Variants in PHLPP1 observed in about 807,000 individuals in gnomAD.
The protein encoded by PHLPP1 is PH domain leucine-rich repeat-containing protein phosphatase 1.
A neutral mutation model predicts 117.2 loss-of-function variants in PHLPP1; 42 were observed. The ratio of observed to expected loss-of-function variants is 0.36; its 90% confidence interval spans 0.28 to 0.46. The LOEUF (loss-of-function observed/expected upper bound fraction) is 0.46. Among genes scored for constraint, PHLPP1 ranks in the 20% least tolerant of loss-of-function variants. PHLPP1 has a pLI of 1.00. For missense variants in PHLPP1, 2,084 were observed against 2,241.9 expected (o/e 0.93, Z 1.42); for synonymous variants, 1,042 against 970.7 (o/e 1.07, Z -1.37).
At position 62,978,255 on chromosome 18, in the gene PHLPP1, C is replaced by A. The variant is rs781343714; in HGVS notation, c.3985-7C>A. 5.8e-6 allele frequency: 9 copies of A among 1,564,012 alleles called. No individual in the cohort carries two copies. Among genetic ancestry groups the A allele is most frequent in the Admixed American group, 1.7e-5 (1 of 58,316 alleles). On this transcript the variant is annotated splice_polypyrimidine_tract_variant and splice_region_variant and intron_variant, in intron 16 of 16. Coordinates refer to ENST00000262719, the MANE Select transcript of PHLPP1 (RefSeq NM_194449.4). This position sits in a 1 kb window ranked among gnomAD's most constrained non-coding sequence, Gnocchi z 7.0. ...AACTGTCTGTCTGCAAACCCTTGTT[C>A]TTCCAGGATGGCAAGGTGAACGGAG...
chr18:62,753,154 T>C (rs1464186369), intron 1 of PHLPP1, among the ~76,000 whole-genome samples: 2 of 152,206 alleles, frequency 1.3e-5, no homozygotes, highest in Non-Finnish European at 2.9e-5. Context: ...GCTTTTTCTG[T>C]TTTGTTTTTT....
intron 4 of PHLPP1, among the ~76,000 whole-genome samples, chr18:62,870,274 A>C (rs142037083): frequency 6.6e-6 from 1 of 152,168 alleles, no homozygotes; most frequent in Non-Finnish European, 1.5e-5. Context: ...TTTTATTGCT[A>C]AGATTCCAGA....
intron 1 of PHLPP1, among the ~76,000 whole-genome samples, chr18:62,825,172 T>C (rs1290395521): frequency 1.3e-5 from 2 of 151,882 alleles, no homozygotes; most frequent in Admixed American, 1.3e-4. Context: ...TTGGCCAGGC[T>C]GGTCTCGAGC....
intron 12 of PHLPP1, among the ~76,000 whole-genome samples, chr18:62,946,887 A>G (rs1910306574): frequency 6.6e-6 from 1 of 152,072 alleles, no homozygotes; most frequent in South Asian, 2.1e-4. Context: ...CCCTGTCTCT[A>G]CTAAAAATAG....
intron 8 of PHLPP1, among the ~76,000 whole-genome samples, chr18:62,905,916 G>A (rs1916837933): frequency 6.6e-6 from 1 of 152,108 alleles, no homozygotes. Flanking sequence ...TTTCTTGAAG[G>A]CACAAAGGCT....
intron 1 of PHLPP1, among the ~76,000 whole-genome samples, chr18:62,792,386 A>G (rs1281428168): frequency 6.6e-6 from 1 of 152,136 alleles, no homozygotes; most frequent in East Asian, 1.9e-4. Flanking sequence ...TTTTAGTATG[A>G]ATGATTTTTT....
chr18:62,755,701 C>T (rs1014727668), intron 1 of PHLPP1, among the ~76,000 whole-genome samples: 3 of 152,118 alleles, frequency 2.0e-5, no homozygotes, highest in Non-Finnish European at 4.4e-5. Flanking sequence ...AAATACATTT[C>T]TGTTGTTTAT....
chr18:62,866,482 T>G (rs1915774354), intron 4 of PHLPP1, among the ~76,000 whole-genome samples: 2 of 151,980 alleles, frequency 1.3e-5, no homozygotes, highest in Admixed American at 1.3e-4. Context: ...TGACCTCAGG[T>G]AGTCCACCCA....
chr18:62,951,118 A>ACTAC (rs1910444190), intron 12 of PHLPP1, among the ~76,000 whole-genome samples: 1 of 151,954 alleles, frequency 6.6e-6, no homozygotes, highest in African/African-American at 2.4e-5. Flanking sequence ...AGTAGCTGGG[A>ACTAC]CTACAGGTGC....
chr18:62,949,892 C>A (rs1910403241), intron 12 of PHLPP1, among the ~76,000 whole-genome samples: 1 of 152,220 alleles, frequency 6.6e-6, no homozygotes, highest in South Asian at 2.1e-4. Context: ...TTCCACTGAA[C>A]TGCATAGCAG....
rs149104494 is a variant in PHLPP1, at chr18:62,772,692, G to A, written c.1576+55433G>A. Among the ~76,000 whole-genome samples, 1,054 of 151,920 alleles carry A rather than the reference G, an allele frequency of 6.9e-3. 30 individuals are homozygous for A. Among genetic ancestry groups the A allele is most frequent in the Non-Finnish European group, 5.2e-3 (355 of 67,966 alleles). On this transcript the variant is annotated intron_variant, in intron 1 of 16. Transcript: ENST00000262719. ...CTAAAAATAAAAAAATTAGCTGGGC[G>A]TAGTGGCACATGCCTGTAGTACCAG...
At chr18:62,952,418 A>G (rs1383884090) in intron 12 of PHLPP1, among the ~76,000 whole-genome samples, 1 of 152,156 alleles carries the variant, frequency 6.6e-6, no homozygotes, top group Admixed American at 6.5e-5. Context: ...CCTGCTTGTC[A>G]TTTTTATCAC....
intron 4 of PHLPP1, among the ~76,000 whole-genome samples, chr18:62,869,694 A>G (rs1915852463): frequency 6.6e-6 from 1 of 152,248 alleles, no homozygotes; most frequent in South Asian, 2.1e-4. Flanking sequence ...TGTGTAATAT[A>G]AGGCAGTGAT....
At chr18:62,735,680 G>A (rs1025327508) in intron 1 of PHLPP1, among the ~76,000 whole-genome samples, 37 of 152,128 alleles carry the variant, frequency 2.4e-4, no homozygotes, top group African/African-American at 8.9e-4. Flanking sequence ...AGATAATCCT[G>A]ATGATGGGTA....
chr18:62,879,633 C>T (rs914350035), intron 4 of PHLPP1, among the ~76,000 whole-genome samples: 1 of 152,144 alleles, frequency 6.6e-6, no homozygotes, highest in African/African-American at 2.4e-5. Context: ...TGGTCTCGAT[C>T]TCCTGACCTC....
intron 1 of PHLPP1, among the ~76,000 whole-genome samples, chr18:62,742,667 C>T (rs965020799): frequency 1.3e-5 from 2 of 152,194 alleles, no homozygotes; most frequent in African/African-American, 4.8e-5. Flanking sequence ...AATTCCTGAC[C>T]TTGTGATCCA....
At chr18:62,726,321 C>CT (rs76301799) in intron 1 of PHLPP1, among the ~76,000 whole-genome samples, 1,442 of 139,528 alleles carry the variant, frequency 0.01, 21 homozygotes, top group South Asian at 0.043. Context: ...CCCTTGCCTG[C>CT]TTTTTTTTTT....
Position 62,900,433 on chromosome 18 carries a change from C to CTTTTTTTTTTTTTTTTTTTTTTTTTTTTT in PHLPP1, c.2445-2503_2445-2502insTTTTTTTTTTTTTTTTTTTTTTTTTTTTT, listed in dbSNP as rs774225759. On this transcript the variant is annotated intron_variant, in intron 6 of 16. Transcript: ENST00000262719. ...GTATTCTTGTTTTTTCTTTTTCTTT[C>CTTTTTTTTTTTTTTTTTTTTTTTTTTTTT]TTTTTTTTTTTTTTTTTTTTTTTTT... Among the ~76,000 whole-genome samples, 9 of 54,258 alleles carry CTTTTTTTTTTTTTTTTTTTTTTTTTTTTT rather than the reference C, an allele frequency of 1.7e-4. 4 individuals are homozygous for CTTTTTTTTTTTTTTTTTTTTTTTTTTTTT. Among genetic ancestry groups the CTTTTTTTTTTTTTTTTTTTTTTTTTTTTT allele is most frequent in the African/African-American group, 2.4e-4 (3 of 12,284 alleles). 35.6% of individuals were successfully genotyped at this position (54,258 alleles called of 152,430 possible).
chr18:62,965,194 CGA>C (rs1033385523), intron 14 of PHLPP1, among the ~76,000 whole-genome samples: 2 of 152,078 alleles, frequency 1.3e-5, no homozygotes, highest in African/African-American at 4.8e-5. Context: ...AAAAGTTTCT[CGA>C]GAGGTTTTTG....
Sources: gnomAD v4.1 joint callset for allele counts (sites outside exome capture counted in the v4.1 genomes callset) on GRCh38, gnomAD v4.1.1 for gene constraint, Gnocchi (gnomAD v3.1) non-coding constraint, MANE v1.5 for transcripts, NCBI Gene and HGNC (gene_info 2026-07-23, HGNC 2026-07-21) for gene names.